DLGAP1: variants seen among roughly 807,000 people sequenced by gnomAD.
DLGAP1 encodes the protein disks large-associated protein 1.
In DLGAP1, 11 loss-of-function variants were observed where a neutral mutation model predicts 90.8. The observed-to-expected ratio is 0.12, with a 90% CI of 0.08 to 0.20. The LOEUF is 0.20. DLGAP1 is among the 10% of genes least tolerant of loss of function. The pLI is 1.00. For missense variants in DLGAP1, 1,050 were observed against 1,333.8 expected, an observed-to-expected ratio of 0.79 and a Z score of 3.31; for synonymous variants, 558 against 540.7, an observed-to-expected ratio of 1.03 and a Z score of -0.44.
rs1033383505 is a variant in DLGAP1, at chr18:3,589,625, T to C, written c.1592-7377A>G. Among the ~76,000 whole-genome samples, 12 of 152,314 alleles carry C rather than the reference T, an allele frequency of 7.9e-5. No individual in the cohort carries two copies. In the South Asian group the frequency reaches 8.3e-4, roughly 11 times the overall value. On this transcript the variant is annotated intron_variant, in intron 7 of 12. Coordinates refer to ENST00000315677, the MANE Select transcript of DLGAP1 (RefSeq NM_004746.4). ...TGTCCCAGAGTCAAGTAACATCTTT[T>C]TGATGTAAACATGTTGTTACCCCAA... is the stretch of plus-strand genomic sequence containing the variant.
chr18:4,393,699 T>C (rs993766139), intron 1 of DLGAP1, among the ~76,000 whole-genome samples: 3 of 152,166 alleles, frequency 2.0e-5, no homozygotes, highest in African/African-American at 7.2e-5. Flanking sequence ...GAGTCTCCCT[T>C]ATCTAGAACA....
intron 4 of DLGAP1, among the ~76,000 whole-genome samples, chr18:3,866,981 C>T (rs558417111): frequency 1.3e-5 from 2 of 151,816 alleles, no homozygotes. Flanking sequence ...TTCCCAAGGA[C>T]CTGGGAACTA....
At chr18:3,777,577 T>C (rs1413055393) in intron 5 of DLGAP1, among the ~76,000 whole-genome samples, 1 of 151,892 alleles carries the variant, frequency 6.6e-6, no homozygotes, top group African/African-American at 2.4e-5. Context: ...AGCAAAGCAG[T>C]TCTAAGCCTT....
At position 4,378,936 on chromosome 18, in the gene DLGAP1, C is replaced by T. The variant is rs1345237757; in HGVS notation, c.-267+76070G>A. ...CAACTACACACCCACCACTCCCCTC[C>T]AGAGAGAGTGAGTCCCTGCTTATCC... On this transcript the variant is annotated intron_variant, in intron 1 of 12. Coordinates refer to ENST00000315677, the MANE Select transcript of DLGAP1 (RefSeq NM_004746.4). This position sits in a 1 kb window ranked among gnomAD's most constrained non-coding sequence, Gnocchi z 4.5. Among the ~76,000 whole-genome samples the T allele has an allele frequency of 6.6e-6, 1 of 152,130 alleles. No homozygotes were observed.
At chr18:3,600,915 G>GATATATAGATATATAGAT (rs1364495089) in intron 7 of DLGAP1, among the ~76,000 whole-genome samples, 3 of 16,794 alleles carry the variant, frequency 1.8e-4, no homozygotes, top group Non-Finnish European at 2.7e-4. Context: ...TATATAGATA[G>GATATATAGATATATAGAT]ATATAGATAT....
In DLGAP1 at chr18:3,729,563, G is replaced by T; in HGVS notation, c.1351-188C>A. Among the ~76,000 whole-genome samples, 1 of 137,978 alleles carries T rather than the reference G, an allele frequency of 7.2e-6. No homozygotes were observed. Among genetic ancestry groups the T allele is most frequent in the Admixed American group, 6.9e-5 (1 of 14,582 alleles). The allele number at this position is 137,978 out of a possible 152,430, so 90.5% of individuals were successfully genotyped here. A position where few individuals can be genotyped will look rare whatever the true frequency, so the allele number is the denominator to read the frequency against. On this transcript the variant is annotated intron_variant, in intron 6 of 12. Transcript: ENST00000315677. This position sits in a 1 kb window ranked among gnomAD's most constrained non-coding sequence, Gnocchi z 6.2. ...CATCCGCTTATAATTCCAAACAATA[G>T]ATTACTTTTTTTTTCTTGTATTTTT...
intron 1 of DLGAP1, among the ~76,000 whole-genome samples, chr18:4,256,800 T>TTTCA (rs757959873): frequency 3.2e-4 from 48 of 152,058 alleles, no homozygotes; most frequent in Admixed American, 1.3e-4. Flanking sequence ...ATAAAGACGG[T>TTTCA]TTCACTCTTT....
intron 2 of DLGAP1, among the ~76,000 whole-genome samples, chr18:4,125,977 G>A (rs1389466467): frequency 6.6e-6 from 1 of 152,180 alleles, no homozygotes; most frequent in East Asian, 1.9e-4. Context: ...CAGTGGGTGA[G>A]ACTTGATGAG....
intron 2 of DLGAP1, among the ~76,000 whole-genome samples, chr18:4,144,137 G>A (rs948913566): frequency 6.6e-6 from 1 of 152,140 alleles, no homozygotes; most frequent in Non-Finnish European, 1.5e-5. Flanking sequence ...TCGTGAGCAC[G>A]CCAACCCCAC....
intron 1 of DLGAP1, among the ~76,000 whole-genome samples, chr18:4,364,150 G>T (rs533487248): frequency 6.7e-6 from 1 of 149,612 alleles, no homozygotes; most frequent in Non-Finnish European, 1.5e-5. Context: ...GTAAACTATC[G>T]CAAGGACAAA....
intron 5 of DLGAP1, among the ~76,000 whole-genome samples, chr18:3,779,034 C>A (rs989575785): frequency 6.6e-6 from 1 of 152,154 alleles, no homozygotes; most frequent in African/African-American, 2.4e-5. Context: ...GGCCCAAAGA[C>A]CACCGTTCCT....
intron 3 of DLGAP1, among the ~76,000 whole-genome samples, chr18:4,003,435 T>C (rs1021094163): frequency 2.6e-5 from 2 of 76,272 alleles, no homozygotes; most frequent in Non-Finnish European, 5.6e-5. Context: ...CTTAATATCA[T>C]TGTTTTTTTT....
rs2060316155 is a variant in DLGAP1 at position 3,676,704 on chromosome 18, T to A, written c.1591+52431A>T. Among the ~76,000 whole-genome samples, 3 of 148,606 alleles carry A rather than the reference T, an allele frequency of 2.0e-5. No individual in the cohort carries two copies. The South Asian group carries it at 6.4e-4, about 32-fold the overall frequency. On this transcript the variant is annotated intron_variant, in intron 7 of 12. Transcript: ENST00000315677. ...GGCTACTTCTCCTGTTTTTTTTTTTTAGAAGAAATTGTGAGGTCAGTATAC... is the reference window on the plus strand; with the variant it reads ...GGCTACTTCTCCTGTTTTTTTTTTTAAGAAGAAATTGTGAGGTCAGTATAC...
intron 1 of DLGAP1, among the ~76,000 whole-genome samples, chr18:4,339,588 G>C (rs148618999): frequency 2.6e-4 from 40 of 152,202 alleles, no homozygotes; most frequent in African/African-American, 9.1e-4. Flanking sequence ...GCTCACTCCA[G>C]TTTCCAATTA....
chr18:4,067,417 G>C (rs1306084409), intron 2 of DLGAP1, among the ~76,000 whole-genome samples: 1 of 152,016 alleles, frequency 6.6e-6, no homozygotes, highest in African/African-American at 2.4e-5. Context: ...GCCACAATGG[G>C]AAGTGGGAGT....
intron 10 of DLGAP1, among the ~76,000 whole-genome samples, chr18:3,520,224 C>A (rs971300745): frequency 6.6e-6 from 1 of 152,044 alleles, no homozygotes; most frequent in Non-Finnish European, 1.5e-5. Flanking sequence ...TGTCCTTGGT[C>A]TGATTCTCTC....
At chr18:4,022,160 A>G (rs9949677) in intron 2 of DLGAP1, among the ~76,000 whole-genome samples, 6,768 of 152,178 alleles carry the variant, frequency 0.044, 403 homozygotes, top group African/African-American at 0.14. Flanking sequence ...CAACTTTTAA[A>G]TGTTCAGAAA....
chr18:3,723,295 T>A (rs2062041768), intron 7 of DLGAP1, among the ~76,000 whole-genome samples: 1 of 152,154 alleles, frequency 6.6e-6, no homozygotes. Flanking sequence ...GTCCATAGGG[T>A]ATGTTTGCAG....
intron 2 of DLGAP1, among the ~76,000 whole-genome samples, chr18:4,093,716 A>T (rs1043927768): frequency 1.3e-5 from 2 of 152,108 alleles, no homozygotes; most frequent in African/African-American, 4.8e-5. Context: ...GGGGCATGGT[A>T]GCTGTTCTCT....
Sources: allele counts gnomAD v4.1 joint callset (sites outside exome capture counted in the v4.1 genomes callset), GRCh38; gene constraint gnomAD v4.1.1; non-coding constraint Gnocchi (gnomAD v3.1); transcripts MANE v1.5; gene names NCBI Gene and HGNC (gene_info 2026-07-23, HGNC 2026-07-21).